The following NXPH1 variants were observed in gnomAD, a reference collection of about 807,000 sequenced individuals.
NXPH1 encodes the protein neurexophilin-1.
Under a neutral mutation model 23.7 loss-of-function variants are expected in NXPH1, and 5 were observed. That is an observed-to-expected ratio of 0.21 (90% CI 0.11 to 0.44). NXPH1 has a LOEUF of 0.44. NXPH1 is among the 20% of genes least tolerant of loss of function. The pLI, the probability that NXPH1 is intolerant of heterozygous loss-of-function variation, is 0.99. For missense variants in NXPH1, 324 were observed against 321.6 expected (o/e 1.01, Z -0.06); for synonymous variants, 144 against 122.2 (o/e 1.18, Z -1.18).
intron 2 of NXPH1, among the ~76,000 whole-genome samples, chr7:8,609,242 T>G (rs975979932): frequency 1.1e-4 from 17 of 152,186 alleles, no homozygotes; most frequent in Non-Finnish European, 7.4e-5. Flanking sequence ...TCAATACATG[T>G]AAGCAAATAA....
rs185064325 is a variant in NXPH1, at chr7:8,678,793, G to A, written c.55-72215G>A. Reference sequence around the variant, plus strand: ...TAGGGAAAAAAAAAATAGTCCTCTTGTTGTTATTTTGTTTATGTAGAGTGG... The same window carrying A: ...TAGGGAAAAAAAAAATAGTCCTCTTATTGTTATTTTGTTTATGTAGAGTGG... On this transcript the variant is annotated intron_variant, in intron 2 of 2. Coordinates refer to ENST00000405863, the MANE Select transcript of NXPH1 (RefSeq NM_152745.3). Among the ~76,000 whole-genome samples the A allele has an allele frequency of 4.3e-4, 65 of 151,932 alleles. No individual in the cohort carries two copies. The South Asian group carries it at 8.5e-3, about 20-fold the overall frequency.
At chr7:8,496,631 A>C (rs1817342739) in intron 2 of NXPH1, among the ~76,000 whole-genome samples, 1 of 152,048 alleles carries the variant, frequency 6.6e-6, no homozygotes, top group Non-Finnish European at 1.5e-5. Flanking sequence ...GCCTGGGAAC[A>C]TGTTAGAAAT....
intron 2 of NXPH1, among the ~76,000 whole-genome samples, chr7:8,660,468 A>C (rs1820654201): frequency 6.6e-6 from 1 of 152,244 alleles, no homozygotes; most frequent in African/African-American, 2.4e-5. Context: ...TTCAAAAATT[A>C]AGAACAAACT....
intron 2 of NXPH1, among the ~76,000 whole-genome samples, chr7:8,458,793 C>T (rs535964389): frequency 1.3e-5 from 2 of 152,144 alleles, no homozygotes; most frequent in East Asian, 3.9e-4. Flanking sequence ...GTAGGGTTTA[C>T]CATAACTTCA....
chr7:8,467,350 C>T (rs1465940598), intron 2 of NXPH1, among the ~76,000 whole-genome samples: 1 of 152,104 alleles, frequency 6.6e-6, no homozygotes, highest in African/African-American at 2.4e-5. Context: ...CTGGAATTCT[C>T]CCTAAGGTCA....
At chr7:8,438,688 A>G (rs1351625106) in intron 2 of NXPH1, among the ~76,000 whole-genome samples, 2 of 152,146 alleles carry the variant, frequency 1.3e-5, no homozygotes, top group African/African-American at 4.8e-5. Flanking sequence ...AATACCCCCA[A>G]ATTTGAGAAT....
chr7:8,441,998 G>A (rs1228733596), intron 2 of NXPH1, among the ~76,000 whole-genome samples: 9 of 152,106 alleles, frequency 5.9e-5, no homozygotes, highest in East Asian at 1.9e-4. Flanking sequence ...TTCCTTAGGC[G>A]TCTAGTCAGG....
At chr7:8,688,977 A>G (rs1286622846) in intron 2 of NXPH1, among the ~76,000 whole-genome samples, 1 of 152,016 alleles carries the variant, frequency 6.6e-6, no homozygotes, top group Non-Finnish European at 1.5e-5. Context: ...TTTGTTTTTG[A>G]TCTCTTCTGG....
At chr7:8,507,148 G>A (rs1035159216) in intron 2 of NXPH1, among the ~76,000 whole-genome samples, 6 of 151,636 alleles carry the variant, frequency 4.0e-5, no homozygotes, top group African/African-American at 1.5e-4. Context: ...CAGATTTAAG[G>A]GATGAAATTG....
chr7:8,508,032 C>G (rs1043780263), intron 2 of NXPH1, among the ~76,000 whole-genome samples: 6 of 152,076 alleles, frequency 3.9e-5, no homozygotes, highest in Non-Finnish European at 7.4e-5. Context: ...GATCTCATAT[C>G]ACTGGTCACC....
In NXPH1 at chr7:8,505,130, C is replaced by T. The variant is rs78121325; in HGVS notation, c.54+69363C>T. Among the ~76,000 whole-genome samples, 288 of 152,088 alleles carry T rather than the reference C, an allele frequency of 1.9e-3. 2 individuals carry two copies. Among genetic ancestry groups the T allele is most frequent in the African/African-American group, 6.6e-3 (274 of 41,508 alleles). ...TTTTTTGGTTAAATGTCTGATTTTA[C>T]AGTGCACTGAAGGTCAGTGTTTTCC... On this transcript the variant is annotated intron_variant, in intron 2 of 2. Transcript: ENST00000405863.
chr7:8,541,480 A>G (rs925571310), intron 2 of NXPH1, among the ~76,000 whole-genome samples: 2 of 151,628 alleles, frequency 1.3e-5, no homozygotes, highest in Non-Finnish European at 3.0e-5. Context: ...AAGAAGTCCA[A>G]TGAGCCCTAA....
chr7:8,457,544 T>TTTG (rs1554423012), intron 2 of NXPH1, among the ~76,000 whole-genome samples: 8 of 150,198 alleles, frequency 5.3e-5, no homozygotes, highest in African/African-American at 1.5e-4. Context: ...AATTCTTAGT[T>TTTG]TTTTTTTTTT....
intron 2 of NXPH1, among the ~76,000 whole-genome samples, chr7:8,672,617 T>A (rs1398500412): frequency 1.3e-5 from 2 of 152,060 alleles, no homozygotes; most frequent in African/African-American, 4.8e-5. Context: ...ACTGTTGTGA[T>A]GGTTGAGGCA....
chr7:8,551,079 G>GT (rs1456030242), intron 2 of NXPH1, among the ~76,000 whole-genome samples: 1 of 151,388 alleles, frequency 6.6e-6, no homozygotes, highest in Non-Finnish European at 1.5e-5. Context: ...AAATATCTTA[G>GT]TTTTTTAAAA....
At chr7:8,523,826 A>C (rs1041458068) in intron 2 of NXPH1, among the ~76,000 whole-genome samples, 5 of 152,110 alleles carry the variant, frequency 3.3e-5, no homozygotes, top group African/African-American at 1.2e-4. Context: ...ATTCTATATC[A>C]TGGGTCTGGA....
intron 2 of NXPH1, among the ~76,000 whole-genome samples, chr7:8,652,957 A>G (rs1375623135): frequency 2.5e-5 from 2 of 81,236 alleles, no homozygotes; most frequent in African/African-American, 3.6e-5. Context: ...TTTTGTTAAC[A>G]CAGAAAAATA....
intron 2 of NXPH1, among the ~76,000 whole-genome samples, chr7:8,498,846 CA>C (rs1353398218): frequency 6.6e-6 from 1 of 152,034 alleles, no homozygotes; most frequent in Non-Finnish European, 1.5e-5. Flanking sequence ...AATGTGATGT[CA>C]GTCAAATAGA....
At chr7:8,500,803 T>C (rs1315392774) in intron 2 of NXPH1, among the ~76,000 whole-genome samples, 1 of 152,088 alleles carries the variant, frequency 6.6e-6, no homozygotes, top group African/African-American at 2.4e-5. Context: ...TTTCACAGTG[T>C]TACACGATTT....
Sources: gnomAD v4.1 joint callset for allele counts (sites outside exome capture counted in the v4.1 genomes callset) on GRCh38, gnomAD v4.1.1 for gene constraint, MANE v1.5 for transcripts, NCBI Gene and HGNC (gene_info 2026-07-23, HGNC 2026-07-21) for gene names.